Variants in TRPC6 observed in about 807,000 individuals in gnomAD.
The protein encoded by TRPC6 is transient receptor potential cation channel subfamily C member 6.
TRPC6 carries 55 observed loss-of-function variants against 90.7 expected under a neutral mutation model. The observed-to-expected ratio is 0.61, with a 90% CI of 0.49 to 0.76. The LOEUF (loss-of-function observed/expected upper bound fraction) is 0.76, where lower values mean the gene tolerates loss of function less well. TRPC6 is among the 30% of genes least tolerant of loss of function. The probability of loss-of-function intolerance (pLI) is 0.00; values close to 1 mark genes in which losing one functional copy is unlikely to be tolerated. For synonymous variants in TRPC6, 393 were observed against 393.0 expected, an observed-to-expected ratio of 1.00 and a Z score of 0.00; for missense variants, 989 against 1,122.7, an observed-to-expected ratio of 0.88 and a Z score of 1.70.
At chr11:101,516,587 A>T (rs537643655) in intron 1 of TRPC6, among the ~76,000 whole-genome samples, 15 of 152,222 alleles carry the variant, frequency 9.9e-5, no homozygotes, top group Non-Finnish European at 2.1e-4. Context: ...CTTAGCACAA[A>T]CTTGGTAGAA....
chr11:101,489,748 AAAG>A (rs1859761286), intron 3 of TRPC6, among the ~76,000 whole-genome samples: 1 of 151,990 alleles, frequency 6.6e-6, no homozygotes, highest in South Asian at 2.1e-4. Context: ...AAAAATTGGT[AAAG>A]AATATTAAAA....
chr11:101,578,431 G>A (rs1862119089), intron 1 of TRPC6, among the ~76,000 whole-genome samples: 1 of 151,916 alleles, frequency 6.6e-6, no homozygotes, highest in South Asian at 2.1e-4. Context: ...TTTTTTGCCT[G>A]GAGAAAAGAA....
At position 101,469,443 on chromosome 11, in the gene TRPC6, G is replaced by T; in HGVS notation, c.2468C>A (p.Ser823Ter). Residue 823 changes from serine to a stop codon, truncating the protein, a stop_gained, in exon 10 of 13, where the codon TCA becomes TAA. Transcript: ENST00000344327. LOFTEE classifies it high-confidence loss of function. ...LGSHEDLSKL[S>*]LDKKQVGHNK... ...TGAGCTTACCTGTTTTTTGTCAAGT[G>T]ATAATTTTGAAAGGTCTTCATGACT... 1.3e-6 allele frequency: 1 copy of T among 772,688 alleles called. No homozygotes were observed. Among genetic ancestry groups the T allele is most frequent in the Non-Finnish European group, 2.4e-6 (1 of 413,656 alleles). 47.9% of individuals were successfully genotyped at this position (772,688 alleles called of 1,614,324 possible). A position where few individuals can be genotyped will look rare whatever the true frequency, so the allele number is the denominator to read the frequency against.
At chr11:101,545,967 G>T (rs931662870) in intron 1 of TRPC6, among the ~76,000 whole-genome samples, 1 of 149,188 alleles carries the variant, frequency 6.7e-6, no homozygotes, top group African/African-American at 2.5e-5. Context: ...TGTGAATAGG[G>T]CTATAAAGAA....
intron 1 of TRPC6, chr11:101,519,990 G>C (rs1240144728): frequency 6.6e-6 from 1 of 152,150 alleles, no homozygotes; most frequent in Non-Finnish European, 1.5e-5. Flanking sequence ...TCTACCCTCT[G>C]CCTGGAAGCT....
chr11:101,573,554 G>C (rs945482207), intron 1 of TRPC6, among the ~76,000 whole-genome samples: 1 of 152,140 alleles, frequency 6.6e-6, no homozygotes, highest in Non-Finnish European at 1.5e-5. Context: ...AAGTTAGCTA[G>C]AGAATAAAAT....
At position 101,521,620 on chromosome 11, in the gene TRPC6, T is replaced by C. The variant is rs555316679; in HGVS notation, c.171-16822A>G. On this transcript the variant is annotated intron_variant, in intron 1 of 12. Coordinates refer to ENST00000344327, the MANE Select transcript of TRPC6 (RefSeq NM_004621.6). ...CACTATCCTCCAGACCCCAGAATGGTAGATCCATTGACAGTTTGCACTGTG... is the reference window on the plus strand; with the variant it reads ...CACTATCCTCCAGACCCCAGAATGGCAGATCCATTGACAGTTTGCACTGTG... 4.6e-5 allele frequency among the ~76,000 whole-genome samples: 7 copies of C among 152,252 alleles called. No homozygotes were observed. The East Asian group carries it at 1.2e-3, about 25-fold the overall frequency.
rs200539886 is a variant in TRPC6 at position 101,483,105 on chromosome 11, T to C, written c.1354A>G (p.Ile452Val). Residue 452 changes from isoleucine (I) to valine (V), a missense_variant, in exon 5 of 13, where the codon ATT becomes GTT. Transcript: ENST00000344327. ...TTCATGACTAGCAGTCCCAGAAAAA[T>C]GGTGAAGGAGGCTGCGTGTGCTACA... Reference protein sequence around the residue: ...KFVAHAASFTIFLGLLVMNAA... With the variant: ...KFVAHAASFTVFLGLLVMNAA... 51 of 1,613,924 alleles carry C rather than the reference T, an allele frequency of 3.2e-5. No homozygotes were observed. Among genetic ancestry groups the C allele is most frequent in the Non-Finnish European group, 3.8e-5 (45 of 1,179,964 alleles).
At chr11:101,508,068 C>T (rs1274442178) in intron 1 of TRPC6, among the ~76,000 whole-genome samples, 1 of 151,714 alleles carries the variant, frequency 6.6e-6, no homozygotes, top group East Asian at 1.9e-4. Context: ...TCAAAAACAC[C>T]CTTTATTTTC....
At chr11:101,489,420 T>G (rs546243324) in intron 3 of TRPC6, among the ~76,000 whole-genome samples, 1 of 152,262 alleles carries the variant, frequency 6.6e-6, no homozygotes, top group East Asian at 1.9e-4. Context: ...GATTATATAG[T>G]TTTTTCATCT....
At chr11:101,485,202 A>C (rs1859648213) in intron 4 of TRPC6, among the ~76,000 whole-genome samples, 1 of 151,888 alleles carries the variant, frequency 6.6e-6, no homozygotes, top group Non-Finnish European at 1.5e-5. Flanking sequence ...GCCAATCCAA[A>C]GTTAGTTTGT....
intron 2 of TRPC6, among the ~76,000 whole-genome samples, chr11:101,497,861 C>G (rs956321607): frequency 2.0e-5 from 3 of 152,134 alleles, no homozygotes; most frequent in African/African-American, 7.2e-5. Context: ...CATTGCCCCC[C>G]ACCCCCTGAC....
At chr11:101,511,743 G>C (rs1258071174) in intron 1 of TRPC6, among the ~76,000 whole-genome samples, 1 of 152,080 alleles carries the variant, frequency 6.6e-6, no homozygotes. Context: ...TGTAATCCCA[G>C]CACTCTGGGA....
intron 1 of TRPC6, among the ~76,000 whole-genome samples, chr11:101,546,536 C>G (rs1565237693): frequency 6.6e-6 from 1 of 152,154 alleles, no homozygotes. Context: ...TGAATCTTGG[C>G]TTTTCCACTT....
chr11:101,545,721 T>C (rs1461154097), intron 1 of TRPC6, among the ~76,000 whole-genome samples: 1 of 152,210 alleles, frequency 6.6e-6, no homozygotes, highest in Non-Finnish European at 1.5e-5. Flanking sequence ...TTGCCCCCTA[T>C]TTCTTAAAAT....
rs186829269 is a variant in TRPC6, at chr11:101,512,089, C to T, written c.171-7291G>A. Reference sequence around the variant, plus strand: ...TGTTTAGAGGGTGAGAGAGTGAGCACCCATCTTCACAGTGAACTCCCAAAT... The same window carrying T: ...TGTTTAGAGGGTGAGAGAGTGAGCATCCATCTTCACAGTGAACTCCCAAAT... On this transcript the variant is annotated intron_variant, in intron 1 of 12. Coordinates refer to ENST00000344327, the MANE Select transcript of TRPC6 (RefSeq NM_004621.6). Among the ~76,000 whole-genome samples the T allele has an allele frequency of 2.1e-3, 324 of 152,260 alleles. 1 individual carries two copies. Among genetic ancestry groups the T allele is most frequent in the Non-Finnish European group, 3.5e-3 (235 of 68,016 alleles).
chr11:101,504,799 C>A lies in TRPC6; in HGVS notation c.171-1G>T. On this transcript the variant is annotated splice_acceptor_variant, in intron 1 of 12. Coordinates refer to ENST00000344327, the MANE Select transcript of TRPC6 (RefSeq NM_004621.6). LOFTEE classifies it high-confidence loss of function. Reference sequence around the variant, plus strand: ...AGCCAGTCTGTTGTCAGATCCCCGGCTGCAATAAAACAGAAAGATTGTAAA... The same window carrying A: ...AGCCAGTCTGTTGTCAGATCCCCGGATGCAATAAAACAGAAAGATTGTAAA... 1 of 1,611,542 alleles carries A rather than the reference C, an allele frequency of 6.2e-7. No homozygotes were observed. Among genetic ancestry groups the A allele is most frequent in the Non-Finnish European group, 8.5e-7 (1 of 1,178,920 alleles).
At chr11:101,579,904 T>TA (rs1862156435) in intron 1 of TRPC6, among the ~76,000 whole-genome samples, 1 of 152,192 alleles carries the variant, frequency 6.6e-6, no homozygotes, top group Non-Finnish European at 1.5e-5. Flanking sequence ...CTGGGACGCA[T>TA]AACTCACAGG....
intron 1 of TRPC6, among the ~76,000 whole-genome samples, chr11:101,553,016 C>G (rs1346097534): frequency 6.6e-6 from 1 of 152,016 alleles, no homozygotes; most frequent in Non-Finnish European, 1.5e-5. Flanking sequence ...AAAAGAGAAG[C>G]TTCCTTAAAG....
Sources: gnomAD v4.1 joint callset for allele counts (sites outside exome capture counted in the v4.1 genomes callset) on GRCh38, gnomAD v4.1.1 for gene constraint, MANE v1.5 for transcripts, NCBI Gene and HGNC (gene_info 2026-07-23, HGNC 2026-07-21) for gene names.